IGF1R: variants seen among roughly 807,000 people sequenced by gnomAD.
IGF1R encodes insulin-like growth factor 1 receptor.
In IGF1R, 44 loss-of-function variants were observed where a neutral mutation model predicts 144.6. The ratio of observed to expected loss-of-function variants is 0.30; its 90% CI spans 0.24 to 0.39. The LOEUF (loss-of-function observed/expected upper bound fraction) is 0.39. Among genes scored for constraint, IGF1R ranks in the 10% least tolerant of loss-of-function variants. IGF1R has a pLI of 1.00. For missense variants in IGF1R, 1,355 were observed against 1,833.7 expected (o/e 0.74, Z 4.77); for synonymous variants, 795 against 722.8 (o/e 1.10, Z -1.60).
chr15:98,926,885 G>T (rs2015742322), intron 13 of IGF1R, among the ~76,000 whole-genome samples: 1 of 152,182 alleles, frequency 6.6e-6, no homozygotes, highest in South Asian at 2.1e-4. Context: ...GCACCCAGAA[G>T]CTTCATAATA....
chr15:98,654,520 C>T (rs1211607287), intron 1 of IGF1R, among the ~76,000 whole-genome samples: 1 of 152,020 alleles, frequency 6.6e-6, no homozygotes, highest in East Asian at 1.9e-4. Flanking sequence ...TTTTTAAAAG[C>T]GTGAGGGAGT....
rs2054396647 is a variant in IGF1R, at chr15:98,727,790, TG to T, written c.640+19685del. Among the ~76,000 whole-genome samples the T allele has an allele frequency of 5.9e-5, 9 of 152,246 alleles. No individual in the cohort carries two copies. The South Asian group carries it at 1.9e-3, about 32-fold the overall frequency. The stretch of plus-strand genomic sequence containing the variant: ...GATTCCTGTGGGCTTAGTCACTGTG[TG>T]GCGGCGGCAGAAGGACTGGGGAAAC... On this transcript the variant is annotated intron_variant, in intron 2 of 20. Transcript: ENST00000650285.
intron 2 of IGF1R, among the ~76,000 whole-genome samples, chr15:98,869,094 T>C (rs1596377193): frequency 6.6e-6 from 1 of 152,322 alleles, no homozygotes; most frequent in South Asian, 2.1e-4. Flanking sequence ...TTATCCTTTT[T>C]TTCTCTTTTT....
chr15:98,688,539 C>T (rs1349336490), intron 1 of IGF1R, among the ~76,000 whole-genome samples: 1 of 152,046 alleles, frequency 6.6e-6, no homozygotes, highest in Non-Finnish European at 1.5e-5. Flanking sequence ...GGGGTCTGTG[C>T]TAACCACTGC....
intron 19 of IGF1R, among the ~76,000 whole-genome samples, chr15:98,945,429 G>A (rs542553607): frequency 6.6e-6 from 1 of 152,256 alleles, no homozygotes; most frequent in Non-Finnish European, 1.5e-5. Flanking sequence ...CACAGCCGCC[G>A]GTCTTCCCCC....
At chr15:98,842,959 A>T (rs1451280649) in intron 2 of IGF1R, among the ~76,000 whole-genome samples, 1 of 152,236 alleles carries the variant, frequency 6.6e-6, no homozygotes, top group Non-Finnish European at 1.5e-5. Flanking sequence ...CTGTTAGCAA[A>T]TAAATGGCAA....
Position 98,864,687 on chromosome 15 carries a change from A to G in IGF1R, c.641-26638A>G, listed in dbSNP as rs778311953. On this transcript the variant is annotated intron_variant, in intron 2 of 20. Transcript: ENST00000650285. ...AGGCGGGAGCCACAGCGCTCAGCCT[A>G]AAAATAACTCTTTAGCCAAAAGAAA... Among the ~76,000 whole-genome samples, 87 of 152,360 alleles carry G rather than the reference A, an allele frequency of 5.7e-4. 1 individual carries two copies. Among genetic ancestry groups the G allele is most frequent in the Middle Eastern group, 3.4e-3 (1 of 294 alleles).
chr15:98,868,909 T>C (rs1043440103), intron 2 of IGF1R, among the ~76,000 whole-genome samples: 18 of 152,146 alleles, frequency 1.2e-4, no homozygotes, highest in Admixed American at 1.0e-3. Context: ...GAGGATTATC[T>C]TCATTAAAAA....
At chr15:98,715,252 C>T (rs2054086536) in intron 2 of IGF1R, among the ~76,000 whole-genome samples, 1 of 152,160 alleles carries the variant, frequency 6.6e-6, no homozygotes, top group African/African-American at 2.4e-5. Flanking sequence ...GCTTAGCCCA[C>T]CTCATTTCTT....
intron 2 of IGF1R, among the ~76,000 whole-genome samples, chr15:98,752,262 A>C (rs1006664658): frequency 2.0e-5 from 3 of 152,128 alleles, no homozygotes; most frequent in Admixed American, 6.5e-5. Flanking sequence ...ACACCAGGTC[A>C]TTTTTCTATA....
At chr15:98,714,903 T>C (rs1389671061) in intron 2 of IGF1R, among the ~76,000 whole-genome samples, 4 of 152,202 alleles carry the variant, frequency 2.6e-5, no homozygotes, top group Non-Finnish European at 4.4e-5. Flanking sequence ...TGCAGGCCAC[T>C]GTTCCCCAGA....
intron 2 of IGF1R, among the ~76,000 whole-genome samples, chr15:98,730,740 A>G (rs1049697477): frequency 4.6e-5 from 7 of 152,196 alleles, no homozygotes; most frequent in Admixed American, 3.9e-4. Flanking sequence ...ATCTTGGGTA[A>G]TTTTTATCAA....
intron 19 of IGF1R, among the ~76,000 whole-genome samples, chr15:98,945,882 C>T (rs2016530183): frequency 6.6e-6 from 1 of 151,992 alleles, no homozygotes; most frequent in African/African-American, 2.4e-5. Context: ...ACAAGAGTTG[C>T]TCAGGAGATA....
chr15:98,816,558 T>C (rs1202387387), intron 2 of IGF1R, among the ~76,000 whole-genome samples: 1 of 152,220 alleles, frequency 6.6e-6, no homozygotes, highest in Non-Finnish European at 1.5e-5. Context: ...CTTGAGAAGT[T>C]GCCTGTAAAT....
rs45582339 is a variant in IGF1R at position 98,682,158 on chromosome 15, A to G, written c.95-25404A>G. On this transcript the variant is annotated intron_variant, in intron 1 of 20. Transcript: ENST00000650285. ...CATTATTTGGTCACAGGAAGTGTTC[A>G]GTGGTGAACTTGTTGGAAATGATTT... Among the ~76,000 whole-genome samples, 488 of 152,296 alleles carry G rather than the reference A, an allele frequency of 3.2e-3. 1 individual carries two copies. Among genetic ancestry groups the G allele is most frequent in the Non-Finnish European group, 5.0e-3 (341 of 68,018 alleles).
Position 98,961,847 on chromosome 15 carries a change from ACCTGGCCTCT to A in IGF1R, c.*4414_*4423del, listed in dbSNP as rs368310290. ...AGATGGAAGACCGTGTTCGTGGCCG[ACCTGGCCTCT>A]CCTGGCCTGTTTCTTAAGATGCGGA... On this transcript the variant is annotated 3_prime_UTR_variant, in exon 21 of 21. Coordinates refer to ENST00000650285, the MANE Select transcript of IGF1R (RefSeq NM_000875.5). 7.7e-5 allele frequency: 18 copies of A among 233,292 alleles called. No homozygotes were observed. Among genetic ancestry groups the A allele is most frequent in the African/African-American group, 3.7e-4 (17 of 45,462 alleles). 14.5% of individuals were successfully genotyped at this position (233,292 alleles called of 1,614,324 possible). A position where few individuals can be genotyped will look rare whatever the true frequency, so the allele number is the denominator to read the frequency against.
At chr15:98,692,433 CTT>C (rs1286150934) in intron 1 of IGF1R, among the ~76,000 whole-genome samples, 1 of 152,156 alleles carries the variant, frequency 6.6e-6, no homozygotes, top group African/African-American at 2.4e-5. Flanking sequence ...GCCTTGAACT[CTT>C]GGGCTCAAGC....
At chr15:98,807,401 T>C (rs1322416359) in intron 2 of IGF1R, among the ~76,000 whole-genome samples, 3 of 152,230 alleles carry the variant, frequency 2.0e-5, no homozygotes, top group East Asian at 1.9e-4. Flanking sequence ...CTAGAAACTT[T>C]CCTTGTTGTG....
chr15:98,885,536 G>T (rs916134431), intron 2 of IGF1R, among the ~76,000 whole-genome samples: 2 of 152,164 alleles, frequency 1.3e-5, no homozygotes, highest in Non-Finnish European at 2.9e-5. Context: ...GAAGTTAGGA[G>T]CGGTTAATCC....
Sources: allele counts gnomAD v4.1 joint callset (sites outside exome capture counted in the v4.1 genomes callset), GRCh38; gene constraint gnomAD v4.1.1; transcripts MANE v1.5; gene names NCBI Gene and HGNC (gene_info 2026-07-23, HGNC 2026-07-21).